Variants in SULF1 observed in about 807,000 individuals in gnomAD.
SULF1 encodes the protein sulfatase 1, also known as extracellular sulfatase Sulf-1.
Under a neutral mutation model 110.5 loss-of-function variants are expected in SULF1, and 46 were observed. The observed-to-expected ratio is 0.42, with a 90% CI of 0.33 to 0.53. The LOEUF (loss-of-function observed/expected upper bound fraction) is 0.53. Ranked by LOEUF, SULF1 falls within the 20% of genes least tolerant of loss-of-function variation. The pLI is 0.12. For missense variants in SULF1, 941 were observed against 1,094.2 expected, an observed-to-expected ratio of 0.86 and a Z score of 1.98; for synonymous variants, 371 against 387.1, an observed-to-expected ratio of 0.96 and a Z score of 0.49.
At chr8:69,556,839 C>T (rs1276592874) in intron 3 of SULF1, among the ~76,000 whole-genome samples, 2 of 152,050 alleles carry the variant, frequency 1.3e-5, no homozygotes, top group East Asian at 3.9e-4. Flanking sequence ...GTCATGGTGG[C>T]TTGCTGCACA....
chr8:69,534,279 T>C (rs1813291281), intron 3 of SULF1, among the ~76,000 whole-genome samples: 1 of 152,264 alleles, frequency 6.6e-6, no homozygotes, highest in African/African-American at 2.4e-5. Flanking sequence ...ATAATTTGTT[T>C]AAATGTCTTT....
At chr8:69,568,290 T>C (rs1170742124) in intron 5 of SULF1, among the ~76,000 whole-genome samples, 1 of 152,150 alleles carries the variant, frequency 6.6e-6, no homozygotes, top group African/African-American at 2.4e-5. Flanking sequence ...CATAAAACAA[T>C]CCTATCTGTT....
intron 3 of SULF1, among the ~76,000 whole-genome samples, chr8:69,561,156 G>A (rs911171604): frequency 6.6e-6 from 1 of 152,170 alleles, no homozygotes; most frequent in Non-Finnish European, 1.5e-5. Flanking sequence ...TGATAAGCAT[G>A]TGAGGAGATA....
At chr8:69,499,817 A>G (rs184317709) in intron 2 of SULF1, among the ~76,000 whole-genome samples, 6 of 152,260 alleles carry the variant, frequency 3.9e-5, no homozygotes, top group South Asian at 2.1e-4. Context: ...TGGTGTGATC[A>G]TAGTTCACTG....
intron 13 of SULF1, among the ~76,000 whole-genome samples, chr8:69,618,023 G>A (rs1290295274): frequency 6.6e-6 from 1 of 152,208 alleles, no homozygotes; most frequent in Non-Finnish European, 1.5e-5. Flanking sequence ...AAACTGTCCA[G>A]TAAGCAGTTG....
intron 1 of SULF1, among the ~76,000 whole-genome samples, chr8:69,473,814 C>G (rs1345661722): frequency 6.6e-6 from 1 of 152,184 alleles, no homozygotes; most frequent in African/African-American, 2.4e-5. Context: ...TAACCAGATG[C>G]TAGTTCTGTT....
At chr8:69,649,853 ATAAG>A (rs981927368) in intron 22 of SULF1, among the ~76,000 whole-genome samples, 4 of 151,782 alleles carry the variant, frequency 2.6e-5, no homozygotes, top group Admixed American at 2.6e-4. Context: ...TTTTTAATTA[ATAAG>A]TAATTCATCT....
Position 69,657,652 on chromosome 8 carries a change from C to G in SULF1, c.2586-853C>G, listed in dbSNP as rs142199713. Among the ~76,000 whole-genome samples, 492 of 152,298 alleles carry G rather than the reference C, an allele frequency of 3.2e-3. 2 individuals are homozygous for G. Among genetic ancestry groups the G allele is most frequent in the Middle Eastern group, 0.02 (6 of 294 alleles). On this transcript the variant is annotated intron_variant, in intron 22 of 22. Transcript: ENST00000402687. The stretch of plus-strand genomic sequence containing the variant: ...CGTGATCTGAAGATTGTAGGATTCT[C>G]TATCTTCTAGCTAGACCGAGGTTGT...
At chr8:69,569,491 C>T (rs898145712) in intron 5 of SULF1, among the ~76,000 whole-genome samples, 1 of 152,228 alleles carries the variant, frequency 6.6e-6, no homozygotes, top group Non-Finnish European at 1.5e-5. Context: ...ACACTGGGAT[C>T]CCCCACTACT....
In SULF1 at chr8:69,608,085, A is replaced by G. The variant is rs1003605153; in HGVS notation, c.1377+3153A>G. ...ACCTAAAGGTTGTTTGGTGGAGTCAATGTGGGTGCATGAGGTAAGTCAACA... is the reference window on the plus strand; with the variant it reads ...ACCTAAAGGTTGTTTGGTGGAGTCAGTGTGGGTGCATGAGGTAAGTCAACA... On this transcript the variant is annotated intron_variant, in intron 13 of 22. Coordinates refer to ENST00000402687, the MANE Select transcript of SULF1 (RefSeq NM_001128205.2). Among the ~76,000 whole-genome samples the G allele has an allele frequency of 8.5e-5, 13 of 152,298 alleles. No individual in the cohort carries two copies. In the South Asian group the frequency reaches 1.0e-3, roughly 12 times the overall value.
intron 1 of SULF1, among the ~76,000 whole-genome samples, chr8:69,494,239 T>G (rs952255246): frequency 6.6e-6 from 1 of 152,228 alleles, no homozygotes; most frequent in South Asian, 2.1e-4. Flanking sequence ...GTGAAAACCA[T>G]GTATAGTATG....
chr8:69,598,130 G>T (rs993126634), intron 8 of SULF1, among the ~76,000 whole-genome samples: 1 of 152,010 alleles, frequency 6.6e-6, no homozygotes, highest in East Asian at 1.9e-4. Flanking sequence ...AAAAGGGGGG[G>T]ACCATTTGGT....
intron 6 of SULF1, among the ~76,000 whole-genome samples, chr8:69,583,630 C>T (rs989492064): frequency 5.9e-5 from 9 of 152,152 alleles, no homozygotes; most frequent in Middle Eastern, 3.4e-3. Flanking sequence ...GTCTAGACCT[C>T]GTAAAGTCCC....
At chr8:69,480,721 CAATTT>C in intron 1 of SULF1, among the ~76,000 whole-genome samples, 1 of 152,030 alleles carries the variant, frequency 6.6e-6, no homozygotes. Flanking sequence ...TAAGGAATAA[CAATTT>C]AATAACTCAA....
rs149143954 is a variant in SULF1 at position 69,562,072 on chromosome 8, A to G, written c.-133-1467A>G. Reference sequence around the variant, plus strand: ...GGAGCTGTCTTGTTTGTTGCAGATAATGTAGTCAGGACTGCCTGGCTGCAG... The same window carrying G: ...GGAGCTGTCTTGTTTGTTGCAGATAGTGTAGTCAGGACTGCCTGGCTGCAG... On this transcript the variant is annotated intron_variant, in intron 3 of 22. Coordinates refer to ENST00000402687, the MANE Select transcript of SULF1 (RefSeq NM_001128205.2). Among the ~76,000 whole-genome samples the G allele has an allele frequency of 1.7e-4, 26 of 152,294 alleles. No homozygotes were observed. The East Asian group carries it at 5.0e-3, about 29-fold the overall frequency.
intron 19 of SULF1, chr8:69,637,626 C>T (rs992820851): frequency 6.4e-6 from 1 of 155,088 alleles, no homozygotes; most frequent in African/African-American, 2.4e-5. Flanking sequence ...ACCGTAATTA[C>T]GTTTGCACCA....
At chr8:69,475,578 G>C (rs529326107) in intron 1 of SULF1, among the ~76,000 whole-genome samples, 4 of 152,126 alleles carry the variant, frequency 2.6e-5, no homozygotes, top group Non-Finnish European at 5.9e-5. Context: ...AGGACACAGG[G>C]AAATGGTGGC....
At chr8:69,604,780 A>C (rs1808097414) in intron 12 of SULF1, 23 bp from the exon 13 acceptor site, 1 of 1,613,804 alleles carries the variant, frequency 6.2e-7, no homozygotes, top group Non-Finnish European at 8.5e-7. Flanking sequence ...CTCATGTACG[A>C]AGCTTTTCCC....
chr8:69,619,510 C>T (rs1405746381), intron 13 of SULF1, among the ~76,000 whole-genome samples: 1 of 152,206 alleles, frequency 6.6e-6, no homozygotes, highest in Non-Finnish European at 1.5e-5. Flanking sequence ...AGTGCAAGGA[C>T]ACTTAGTCCA....
Sources: allele counts gnomAD v4.1 joint callset (sites outside exome capture counted in the v4.1 genomes callset), GRCh38; gene constraint gnomAD v4.1.1; transcripts MANE v1.5; gene names NCBI Gene and HGNC (gene_info 2026-07-23, HGNC 2026-07-21).